The following LDLRAD3 variants were observed in gnomAD, a reference collection of about 807,000 sequenced individuals.
LDLRAD3 encodes the protein low-density lipoprotein receptor class A domain-containing protein 3.
Under a neutral mutation model 29.4 loss-of-function variants are expected in LDLRAD3, and 20 were observed. The ratio of observed to expected loss-of-function variants is 0.68; its 90% CI spans 0.48 to 0.99. The LOEUF is 0.99. Among genes scored for constraint, LDLRAD3 ranks in the 50% least tolerant of loss-of-function variants. LDLRAD3 has a pLI of 0.00. For synonymous variants in LDLRAD3, 157 were observed against 192.7 expected, an observed-to-expected ratio of 0.81 and a Z score of 1.53; for missense variants, 420 against 454.3, an observed-to-expected ratio of 0.92 and a Z score of 0.69.
intron 4 of LDLRAD3, among the ~76,000 whole-genome samples, chr11:36,112,966 A>G (rs1339487419): frequency 6.6e-6 from 1 of 151,698 alleles, no homozygotes; most frequent in Non-Finnish European, 1.5e-5. Context: ...CTTACCAAGA[A>G]TGGTCAGTGT....
chr11:35,990,508 C>A (rs1469321931), intron 1 of LDLRAD3, among the ~76,000 whole-genome samples: 1 of 151,990 alleles, frequency 6.6e-6, no homozygotes, highest in African/African-American at 2.4e-5. Context: ...ACCTCTGTCT[C>A]CTGGGTTCAA....
intron 4 of LDLRAD3, among the ~76,000 whole-genome samples, chr11:36,183,191 T>C (rs1196230894): frequency 6.6e-6 from 1 of 152,152 alleles, no homozygotes. Flanking sequence ...ACACACGGTG[T>C]TAGTTAACTT....
At chr11:36,104,108 C>T (rs10836492) in intron 4 of LDLRAD3, among the ~76,000 whole-genome samples, 31,853 of 152,198 alleles carry the variant, frequency 0.21, 3,604 homozygotes, top group South Asian at 0.3. Flanking sequence ...TGCCTGCCCT[C>T]GCTGGCTAGC....
chr11:35,968,505 T>C (rs2958197), intron 1 of LDLRAD3: 24,309 of 351,046 alleles, frequency 0.069, 2,650 homozygotes, highest in African/African-American at 0.32. Flanking sequence ...TCCCGAGGTG[T>C]GTTGAGTTCA....
At chr11:35,993,069 A>G (rs991628049) in intron 1 of LDLRAD3, among the ~76,000 whole-genome samples, 1 of 152,194 alleles carries the variant, frequency 6.6e-6, no homozygotes, top group Admixed American at 6.5e-5. Context: ...TACAGATTTA[A>G]AAAATGGCGT....
At chr11:36,159,602 TAAAAAAAAA>T (rs66512652) in intron 4 of LDLRAD3, among the ~76,000 whole-genome samples, 3 of 58,474 alleles carry the variant, frequency 5.1e-5, no homozygotes, top group African/African-American at 1.8e-4. Flanking sequence ...TTACAGAAAC[TAAAAAAAAA>T]AAAAAAAAAA....
chr11:36,194,510 T>G (rs1393623180), intron 4 of LDLRAD3, among the ~76,000 whole-genome samples: 1 of 152,158 alleles, frequency 6.6e-6, no homozygotes, highest in African/African-American at 2.4e-5. Context: ...TGGAGATGTC[T>G]GTTGGCAAGC....
At chr11:36,034,003 C>A (rs34365273) in intron 1 of LDLRAD3, among the ~76,000 whole-genome samples, 22,161 of 152,116 alleles carry the variant, frequency 0.15, 1,811 homozygotes, top group Non-Finnish European at 0.19. Flanking sequence ...TTTTTGAATT[C>A]CATGTTGTTC....
chr11:36,165,068 G>A (rs531706895), intron 4 of LDLRAD3, among the ~76,000 whole-genome samples: 56 of 152,280 alleles, frequency 3.7e-4, no homozygotes, highest in African/African-American at 1.3e-3. Flanking sequence ...AGCAGTTGGC[G>A]TATTTCCTCC....
chr11:36,121,819 C>T (rs1407924149), intron 4 of LDLRAD3, among the ~76,000 whole-genome samples: 6 of 152,228 alleles, frequency 3.9e-5, no homozygotes, highest in Admixed American at 6.5e-5. Context: ...CAGGCAAGGC[C>T]GTGAGGCCTT....
intron 4 of LDLRAD3, among the ~76,000 whole-genome samples, chr11:36,184,703 A>G (rs753691527): frequency 7.2e-5 from 11 of 152,204 alleles, no homozygotes; most frequent in Non-Finnish European, 1.2e-4. Flanking sequence ...AAGGCCATCC[A>G]TGGTGAATAA....
At chr11:36,156,223 G>T (rs1343621479) in intron 4 of LDLRAD3, among the ~76,000 whole-genome samples, 1 of 152,184 alleles carries the variant, frequency 6.6e-6, no homozygotes, top group Admixed American at 6.5e-5. Flanking sequence ...CCAGTAGTTG[G>T]CAGTCTTGGT....
At position 36,213,648 on chromosome 11, in the gene LDLRAD3, C is replaced by T. The variant is rs551960368; in HGVS notation, c.455-13437C>T. Among the ~76,000 whole-genome samples, 7 of 152,270 alleles carry T rather than the reference C, an allele frequency of 4.6e-5. No homozygotes were observed. Among genetic ancestry groups the T allele is most frequent in the Admixed American group, 1.3e-4 (2 of 15,312 alleles). ...AGGAGTGAAATGGGACCCCCAGGGCCGCTCCCACCCTGGGAGTGCCATTGG... is the reference window on the plus strand; with the variant it reads ...AGGAGTGAAATGGGACCCCCAGGGCTGCTCCCACCCTGGGAGTGCCATTGG... On this transcript the variant is annotated intron_variant, in intron 4 of 5. Coordinates refer to ENST00000315571, the MANE Select transcript of LDLRAD3 (RefSeq NM_174902.4). This position sits in a 1 kb window ranked among gnomAD's most constrained non-coding sequence, Gnocchi z 4.1.
chr11:35,971,735 G>A (rs766779539), intron 1 of LDLRAD3, among the ~76,000 whole-genome samples: 16 of 152,152 alleles, frequency 1.1e-4, no homozygotes, highest in South Asian at 2.1e-4. Flanking sequence ...GCCTCAGGGC[G>A]GAGAATGGAT....
At chr11:35,967,670 GT>G in intron 1 of LDLRAD3, 1 of 469,436 alleles carries the variant, frequency 2.1e-6, no homozygotes. Context: ...ACAAAGGAAG[GT>G]TTTACAAGGT....
chr11:35,973,770 C>T (rs1325475279), intron 1 of LDLRAD3, among the ~76,000 whole-genome samples: 9 of 152,126 alleles, frequency 5.9e-5, no homozygotes, highest in Non-Finnish European at 1.2e-4. Flanking sequence ...CGTGCCCAAT[C>T]ACATTTGTAG....
intron 2 of LDLRAD3, among the ~76,000 whole-genome samples, chr11:36,074,465 A>C (rs897322606): frequency 6.6e-6 from 1 of 152,216 alleles, no homozygotes; most frequent in African/African-American, 2.4e-5. Flanking sequence ...GAGAGTGCAA[A>C]GGCCCTGAGG....
chr11:36,139,115 TACTGCTGGTCTTTTGG>T (rs1440299097), intron 4 of LDLRAD3, among the ~76,000 whole-genome samples: 2 of 152,262 alleles, frequency 1.3e-5, no homozygotes, highest in African/African-American at 4.8e-5. Flanking sequence ...TTTAGCTTGA[TACTGCTGGTCTTTTGG>T]ACTGGCAAAC....
chr11:36,156,204 A>G (rs1318108350), intron 4 of LDLRAD3, among the ~76,000 whole-genome samples: 4 of 152,220 alleles, frequency 2.6e-5, no homozygotes, highest in Non-Finnish European at 5.9e-5. Flanking sequence ...GAAGGGATAA[A>G]AAAGACCGCC....
Sources: gnomAD v4.1 joint callset for allele counts (sites outside exome capture counted in the v4.1 genomes callset) on GRCh38, gnomAD v4.1.1 for gene constraint, Gnocchi (gnomAD v3.1) non-coding constraint, MANE v1.5 for transcripts, NCBI Gene and HGNC (gene_info 2026-07-23, HGNC 2026-07-21) for gene names.